The following GRK5 variants were observed in gnomAD, a reference collection of about 807,000 sequenced individuals.
GRK5 encodes G protein-coupled receptor kinase 5, also known as g protein-coupled receptor kinase GRK5.
In GRK5, 40 loss-of-function variants were observed where a neutral mutation model predicts 78.4. That is an observed-to-expected ratio of 0.51 (90% CI 0.40 to 0.66). The LOEUF (loss-of-function observed/expected upper bound fraction) is 0.66. GRK5 is among the 30% of genes least tolerant of loss of function. GRK5 has a pLI of 0.00. For missense variants in GRK5, 598 were observed against 759.9 expected (o/e 0.79, Z 2.50); for synonymous variants, 289 against 296.8 (o/e 0.97, Z 0.27).
At chr10:119,286,391 T>C (rs949013404) in intron 1 of GRK5, among the ~76,000 whole-genome samples, 2 of 152,254 alleles carry the variant, frequency 1.3e-5, no homozygotes, top group Non-Finnish European at 2.9e-5. Flanking sequence ...AGAGTGTTTT[T>C]GTATGTTAGG....
chr10:119,241,269 T>C (rs1849020923), intron 1 of GRK5, among the ~76,000 whole-genome samples: 1 of 152,146 alleles, frequency 6.6e-6, no homozygotes, highest in Non-Finnish European at 1.5e-5. Context: ...GGGTTGGCTC[T>C]GTGGTCCCTG....
intron 10 of GRK5, among the ~76,000 whole-genome samples, chr10:119,441,139 C>T (rs1853026069): frequency 1.3e-5 from 2 of 152,230 alleles, no homozygotes; most frequent in Non-Finnish European, 2.9e-5. Flanking sequence ...GGCCTGCCGC[C>T]CCTCTCTGGA....
At chr10:119,250,980 C>T (rs905195028) in intron 1 of GRK5, among the ~76,000 whole-genome samples, 3 of 152,148 alleles carry the variant, frequency 2.0e-5, no homozygotes, top group African/African-American at 7.2e-5. Flanking sequence ...TCCATCAGCG[C>T]GTCTGCAAAA....
At chr10:119,280,132 C>T (rs566650406) in intron 1 of GRK5, among the ~76,000 whole-genome samples, 6 of 152,262 alleles carry the variant, frequency 3.9e-5, no homozygotes, top group African/African-American at 1.2e-4. Context: ...GGCCTTAGTA[C>T]CCTTATCTCT....
intron 1 of GRK5, among the ~76,000 whole-genome samples, chr10:119,214,590 G>T (rs764656228): frequency 6.6e-6 from 1 of 152,104 alleles, no homozygotes; most frequent in Non-Finnish European, 1.5e-5. Context: ...TGCCATCTCA[G>T]CTCACTGCAA....
intron 1 of GRK5, among the ~76,000 whole-genome samples, chr10:119,234,971 G>C (rs986570896): frequency 1.3e-5 from 2 of 150,638 alleles, no homozygotes; most frequent in Non-Finnish European, 3.0e-5. Flanking sequence ...TACCACGCCC[G>C]GCCTAATTAA....
At chr10:119,284,177 T>G (rs375778540) in intron 1 of GRK5, among the ~76,000 whole-genome samples, 1 of 152,162 alleles carries the variant, frequency 6.6e-6, no homozygotes, top group South Asian at 2.1e-4. Context: ...GAAATAAACG[T>G]GAGCCTCTTA....
Position 119,431,234 on chromosome 10 carries a change from G to A in GRK5, c.598-153G>A, listed in dbSNP as rs2133895138. ...TGGGCCCCAGGCCAGGCATCACTGG[G>A]TCCTGGGAGCCTGGAGCACTCATGA... On this transcript the variant is annotated intron_variant, in intron 7 of 15. Coordinates refer to ENST00000392870, the MANE Select transcript of GRK5 (RefSeq NM_005308.3). This position sits in a 1 kb window ranked among gnomAD's most constrained non-coding sequence, Gnocchi z 4.8. 6.6e-6 allele frequency among the ~76,000 whole-genome samples: 1 copy of A among 152,320 alleles called. No individual in the cohort carries two copies. Among genetic ancestry groups the A allele is most frequent in the African/African-American group, 2.4e-5 (1 of 41,574 alleles).
At chr10:119,394,234 G>T in intron 3 of GRK5, among the ~76,000 whole-genome samples, 1 of 137,250 alleles carries the variant, frequency 7.3e-6, no homozygotes, top group African/African-American at 2.8e-5. Context: ...GGGTGTGGGT[G>T]TGTGGGTGTC....
chr10:119,418,852 C>T (rs1234113081), intron 4 of GRK5, among the ~76,000 whole-genome samples: 6 of 152,218 alleles, frequency 3.9e-5, no homozygotes, highest in Non-Finnish European at 8.8e-5. Flanking sequence ...ACCAAGACCC[C>T]TTCCAACCTG....
At chr10:119,237,466 T>G (rs548855342) in intron 1 of GRK5, among the ~76,000 whole-genome samples, 1 of 152,178 alleles carries the variant, frequency 6.6e-6, no homozygotes, top group Non-Finnish European at 1.5e-5. Context: ...ATAATTTCAA[T>G]AGGCACTGAT....
At chr10:119,308,523 TC>T (rs2133733635) in intron 1 of GRK5, among the ~76,000 whole-genome samples, 2 of 152,288 alleles carry the variant, frequency 1.3e-5, no homozygotes, top group Admixed American at 1.3e-4. Flanking sequence ...CCATGGAGCT[TC>T]CCTTGGCCCC....
intron 2 of GRK5, among the ~76,000 whole-genome samples, chr10:119,338,818 A>C (rs1850936425): frequency 6.6e-6 from 1 of 152,234 alleles, no homozygotes; most frequent in African/African-American, 2.4e-5. Flanking sequence ...CAAATGAATA[A>C]ATGTGAACCC....
At chr10:119,286,491 G>C (rs762206443) in intron 1 of GRK5, among the ~76,000 whole-genome samples, 1 of 152,258 alleles carries the variant, frequency 6.6e-6, no homozygotes, top group Non-Finnish European at 1.5e-5. Flanking sequence ...AGTCACACGT[G>C]GGGGTCTGGA....
At chr10:119,335,884 G>A (rs1359248605) in intron 2 of GRK5, 1 of 152,266 alleles carries the variant, frequency 6.6e-6, no homozygotes, top group Admixed American at 6.5e-5. Flanking sequence ...CTAGTTTGCA[G>A]TTTATTTGTG....
At chr10:119,300,648 A>G (rs754493912) in intron 1 of GRK5, among the ~76,000 whole-genome samples, 11 of 152,182 alleles carry the variant, frequency 7.2e-5, no homozygotes, top group Non-Finnish European at 1.5e-4. Flanking sequence ...ACTTTGGGAG[A>G]TGATCTCACC....
chr10:119,408,389 T>C (rs949660498), intron 4 of GRK5, among the ~76,000 whole-genome samples: 5 of 122,050 alleles, frequency 4.1e-5, no homozygotes, highest in Admixed American at 2.6e-4. Context: ...TGCAAACAGA[T>C]ACTAGTGTGC....
intron 4 of GRK5, among the ~76,000 whole-genome samples, chr10:119,414,634 T>C (rs952447664): frequency 1.3e-5 from 2 of 152,224 alleles, no homozygotes; most frequent in Non-Finnish European, 2.9e-5. Flanking sequence ...AGGCCAACTA[T>C]GTGCCCTTGA....
At chr10:119,359,826 G>A (rs1231548097) in intron 2 of GRK5, among the ~76,000 whole-genome samples, 5 of 152,028 alleles carry the variant, frequency 3.3e-5, no homozygotes, top group Non-Finnish European at 5.9e-5. Flanking sequence ...TGATGTTCCC[G>A]GGGGGGAGGT....
Sources: allele counts gnomAD v4.1 joint callset (sites outside exome capture counted in the v4.1 genomes callset), GRCh38; gene constraint gnomAD v4.1.1; non-coding constraint Gnocchi (gnomAD v3.1); transcripts MANE v1.5; gene names NCBI Gene and HGNC (gene_info 2026-07-23, HGNC 2026-07-21).